SNX31: variants seen among roughly 807,000 people sequenced by gnomAD.
The protein encoded by SNX31 is sorting nexin 31.
Under a neutral mutation model 65.4 loss-of-function variants are expected in SNX31, and 58 were observed. That is an observed-to-expected ratio of 0.89 (90% confidence interval 0.72 to 1.10). SNX31 has a LOEUF of 1.10. Ranked by LOEUF, SNX31 falls within the 50% of genes least tolerant of loss-of-function variation. SNX31 has a pLI of 0.00. For missense variants in SNX31, 523 were observed against 529.7 expected (o/e 0.99, Z 0.12); for synonymous variants, 181 against 190.1 (o/e 0.95, Z 0.39).
chr8:100,623,605 C>T (rs1204359447), intron 4 of SNX31, among the ~76,000 whole-genome samples: 1 of 152,100 alleles, frequency 6.6e-6, no homozygotes, highest in Non-Finnish European at 1.5e-5. Flanking sequence ...AGCCTTGGAC[C>T]CTGCCTGTAG....
rs1192008883 is a variant in SNX31, at chr8:100,648,603, T to C, written c.141+671A>G. Reference sequence around the variant, plus strand: ...ACTTTCATTTACTTCTCTAATCCATTTTGAAGACTTATAACACCTCCTTAT... The same window carrying C: ...ACTTTCATTTACTTCTCTAATCCATCTTGAAGACTTATAACACCTCCTTAT... On this transcript the variant is annotated intron_variant, in intron 2 of 13. Transcript: ENST00000311812. This position sits in a 1 kb window ranked among gnomAD's most constrained non-coding sequence, Gnocchi z 4.3. 6.6e-6 allele frequency among the ~76,000 whole-genome samples: 1 copy of C among 152,180 alleles called. No homozygotes were observed. The highest frequency in any genetic ancestry group is 2.4e-5 in the African/African-American group (1 of 41,430).
intron 2 of SNX31, among the ~76,000 whole-genome samples, chr8:100,643,972 A>T (rs77408577): frequency 0.065 from 9,938 of 152,246 alleles, 450 homozygotes; most frequent in Non-Finnish European, 0.094. Context: ...CCTGGAGGAG[A>T]TGGGACTGAG....
At chr8:100,627,554 T>G (rs2131159948) in intron 4 of SNX31, among the ~76,000 whole-genome samples, 1 of 152,266 alleles carries the variant, frequency 6.6e-6, no homozygotes. Context: ...AAAAAATTTT[T>G]TTTTCGAGAC....
intron 1 of SNX31, chr8:100,657,761 C>T (rs1338552124): frequency 1.3e-5 from 6 of 455,866 alleles, no homozygotes; most frequent in Non-Finnish European, 2.6e-5. Context: ...AAGTGGACTA[C>T]TTGGGAGGCT....
intron 2 of SNX31, among the ~76,000 whole-genome samples, chr8:100,644,539 A>C (rs538126581): frequency 1.3e-5 from 2 of 152,350 alleles, no homozygotes; most frequent in East Asian, 3.9e-4. Context: ...GCAGAGGGTC[A>C]AAAAGCTGCC....
At chr8:100,624,174 G>A (rs1479715133) in intron 4 of SNX31, among the ~76,000 whole-genome samples, 1 of 152,154 alleles carries the variant, frequency 6.6e-6, no homozygotes, top group Middle Eastern at 3.2e-3. Flanking sequence ...TAATAGCTGG[G>A]TGCTATGGCA....
Position 100,613,183 on chromosome 8 carries a change from T to C in SNX31, c.433-98A>G, listed in dbSNP as rs1586949869. The C allele has an allele frequency of 1.1e-6, 1 of 900,276 alleles. No individual in the cohort carries two copies. The highest frequency in any genetic ancestry group is 1.7e-5 in the African/African-American group (1 of 60,496). 55.8% of individuals were successfully genotyped at this position (900,276 alleles called of 1,614,324 possible). On this transcript the variant is annotated intron_variant, in intron 5 of 13. Transcript: ENST00000311812. This position sits in a 1 kb window ranked among gnomAD's most constrained non-coding sequence, Gnocchi z 5.2. ...CTTGGAAATGGCCGGTACACATCAATAAAAAATGCTGTCATGGGTTAGTGA... is the reference window on the plus strand; with the variant it reads ...CTTGGAAATGGCCGGTACACATCAACAAAAAATGCTGTCATGGGTTAGTGA...
At chr8:100,608,599 A>G (rs755123179) in intron 7 of SNX31, 36 bp from the exon 8 acceptor site, 11 of 1,604,394 alleles carry the variant, frequency 6.9e-6, no homozygotes, top group East Asian at 2.2e-5. Flanking sequence ...CATTCCTGTG[A>G]CATGGCCCAT....
chr8:100,647,409 T>C (rs933390280), intron 2 of SNX31, among the ~76,000 whole-genome samples: 1 of 152,148 alleles, frequency 6.6e-6, no homozygotes, highest in African/African-American at 2.4e-5. Flanking sequence ...AGATCAAGAA[T>C]AAAATTTACT....
chr8:100,596,872 G>A (rs1044786299), intron 9 of SNX31, 30 bp from the exon 10 acceptor site: 5 of 1,604,508 alleles, frequency 3.1e-6, no homozygotes, highest in Middle Eastern at 4.0e-4. Context: ...GTGGGGGGAG[G>A]GGAGGCAAGA....
At chr8:100,661,286 G>T (rs1008392513) in intron 1 of SNX31, among the ~76,000 whole-genome samples, 1 of 152,018 alleles carries the variant, frequency 6.6e-6, no homozygotes. Flanking sequence ...GATTACAGGC[G>T]TGAGCCACTG....
chr8:100,584,385 A>C (rs11985292), intron 11 of SNX31, among the ~76,000 whole-genome samples, 197 bp from the exon 12 acceptor site: 2,620 of 152,320 alleles, frequency 0.017, 74 homozygotes, highest in African/African-American at 0.06. Flanking sequence ...AATTATGTGG[A>C]TATATTTACA....
At chr8:100,662,526 C>T (rs1384840729) in intron 1 of SNX31, among the ~76,000 whole-genome samples, 2 of 152,046 alleles carry the variant, frequency 1.3e-5, no homozygotes, top group African/African-American at 2.4e-5. Context: ...GGTGAAAACC[C>T]GTCTCTACTA....
rs1310995014 is a variant in SNX31 at position 100,578,910 on chromosome 8, TG to T, written c.1171-1836del. 1.3e-5 allele frequency among the ~76,000 whole-genome samples: 2 copies of T among 151,918 alleles called. No individual in the cohort carries two copies. Among genetic ancestry groups the T allele is most frequent in the African/African-American group, 4.8e-5 (2 of 41,358 alleles). ...CTAATTTTTGTATTTTTGGTAGAGA[TG>T]GGGTTTCACCATGTTGGCCAGGCTG... On this transcript the variant is annotated intron_variant, in intron 12 of 13. Coordinates refer to ENST00000311812, the MANE Select transcript of SNX31 (RefSeq NM_152628.4). This position sits in a 1 kb window ranked among gnomAD's most constrained non-coding sequence, Gnocchi z 4.7.
In SNX31 at chr8:100,609,467, GT is replaced by G. The variant is rs1354147258; in HGVS notation, c.612-905del. Among the ~76,000 whole-genome samples the G allele has an allele frequency of 2.6e-5, 4 of 152,302 alleles. No homozygotes were observed. In the South Asian group the frequency reaches 6.2e-4, roughly 24 times the overall value. On this transcript the variant is annotated intron_variant, in intron 7 of 13. Coordinates refer to ENST00000311812, the MANE Select transcript of SNX31 (RefSeq NM_152628.4). The surrounding 1 kb of genome is among the most constrained non-coding windows in gnomAD (Gnocchi z 4.9). ...AGTTGCCCCTCTGAATCTTGACAGA[GT>G]GATTTGCAAATAGCAGGGGCTCCGT...
rs1814197908 is a variant in SNX31, at chr8:100,587,909, G to A, written c.1092+957C>T. 1.3e-5 allele frequency among the ~76,000 whole-genome samples: 2 copies of A among 152,100 alleles called. 1 individual carries two copies. Among genetic ancestry groups the A allele is most frequent in the South Asian group, 4.1e-4 (2 of 4,832 alleles). On this transcript the variant is annotated intron_variant, in intron 11 of 13. Transcript: ENST00000311812. The stretch of plus-strand genomic sequence containing the variant: ...CATCATTAGGCAAGTTTGTCATTGT[G>A]CAAACAACATAGAGTGTAGTTACAC...
intron 3 of SNX31, among the ~76,000 whole-genome samples, chr8:100,632,865 G>A (rs1818502700): frequency 1.3e-5 from 2 of 151,996 alleles, no homozygotes; most frequent in South Asian, 2.1e-4. Flanking sequence ...CCAAAGTGTT[G>A]GGATTACAGG....
At chr8:100,654,331 A>G (rs1035369114), upstream of SNX31, among the ~76,000 whole-genome samples, 2 of 152,010 alleles carry the variant, frequency 1.3e-5, no homozygotes, top group African/African-American at 2.4e-5. Context: ...TGTTATCCCT[A>G]TTTTATAGGA....
In SNX31 at chr8:100,610,044, G is replaced by A. The variant is rs1261550757; in HGVS notation, c.612-1481C>T. Among the ~76,000 whole-genome samples, 1 of 152,192 alleles carries A rather than the reference G, an allele frequency of 6.6e-6. No individual in the cohort carries two copies. Among genetic ancestry groups the A allele is most frequent in the Admixed American group, 6.5e-5 (1 of 15,282 alleles). ...GGCAAGACTTCCCTCTGGAAAGAGG[G>A]CAAGGCACCTGCAGGAGCCTATGCC... is the stretch of plus-strand genomic sequence containing the variant. On this transcript the variant is annotated intron_variant, in intron 7 of 13. Coordinates refer to ENST00000311812, the MANE Select transcript of SNX31 (RefSeq NM_152628.4). This position sits in a 1 kb window ranked among gnomAD's most constrained non-coding sequence, Gnocchi z 4.0.
Sources: allele counts gnomAD v4.1 joint callset (sites outside exome capture counted in the v4.1 genomes callset), GRCh38; gene constraint gnomAD v4.1.1; non-coding constraint Gnocchi (gnomAD v3.1); transcripts MANE v1.5; gene names NCBI Gene and HGNC (gene_info 2026-07-23, HGNC 2026-07-21).